Variants in GEMIN8 observed in about 807,000 individuals in gnomAD.
GEMIN8 encodes gem-associated protein 8.
For synonymous variants in GEMIN8, 80 were observed against 78.5 expected (o/e 1.02, Z -0.10); for missense variants, 185 against 205.9 (o/e 0.90, Z 0.62).
At chrX:13,998,854 C>G in the GEMIN8 span, among the ~76,000 whole-genome samples, 1 of 112,150 alleles carries the variant, frequency 8.9e-6, no homozygotes, top group Non-Finnish European at 1.9e-5. Context: ...TGTAAGTTGT[C>G]TAGCACTATA....
At position 14,010,139 on chromosome X, in the gene GEMIN8, G is replaced by A. The variant is rs1323215572; in HGVS notation, c.473-970C>T. On this transcript the variant is annotated intron_variant, in intron 4 of 4. Transcript: ENST00000680255. ...ACTTTCCACTTCATAGGTTGGCCTA[G>A]GTTAAACTGCAAGTGGTATCATTAC... 9.8e-5 allele frequency among the ~76,000 whole-genome samples: 11 copies of A among 112,114 alleles called. No homozygotes were observed. The East Asian group carries it at 2.8e-3, about 28-fold the overall frequency.
At position 14,007,424 on chromosome X, in the gene GEMIN8, A is replaced by G. The variant is rs1923220990; in HGVS notation, c.*1489T>C. Reference sequence around the variant, plus strand: ...CCTGCTCCATCAGCTTTTAGATTTCATTTTCAGAAATGTATTCCTTTATCA... The same window carrying G: ...CCTGCTCCATCAGCTTTTAGATTTCGTTTTCAGAAATGTATTCCTTTATCA... On this transcript the variant is annotated 3_prime_UTR_variant, in exon 5 of 5. Transcript: ENST00000680255. Among the ~76,000 whole-genome samples the G allele has an allele frequency of 3.6e-5, 4 of 112,367 alleles. No individual in the cohort carries two copies. The South Asian group carries it at 1.5e-3, about 41-fold the overall frequency.
chrX:13,992,049 A>T, the GEMIN8 span, among the ~76,000 whole-genome samples: 1 of 112,689 alleles, frequency 8.9e-6, no homozygotes, highest in East Asian at 2.8e-4. Flanking sequence ...TCTACTGGCC[A>T]TGAAGCTGAG....
At chrX:13,992,639 AG>A in the GEMIN8 span, among the ~76,000 whole-genome samples, 1 of 111,247 alleles carries the variant, frequency 9.0e-6, no homozygotes. Flanking sequence ...CCACATTTTG[AG>A]AAGCAAGGTC....
intron 4 of GEMIN8, among the ~76,000 whole-genome samples, chrX:14,019,811 G>A (rs1412774162): frequency 9.0e-6 from 1 of 110,671 alleles, no homozygotes; most frequent in Non-Finnish European, 1.9e-5. Context: ...CACTCCATTT[G>A]GTAGAGTGTC....
chrX:14,009,697 C>T (rs1226808448), intron 4 of GEMIN8, among the ~76,000 whole-genome samples: 1 of 112,207 alleles, frequency 8.9e-6, no homozygotes, highest in Admixed American at 9.4e-5. Context: ...TCACCACCTG[C>T]CCAGCTAGGA....
At position 14,008,884 on chromosome X, in the gene GEMIN8, G is replaced by A. The variant is rs1393989277; in HGVS notation, c.*29C>T. 1 of 1,188,145 alleles carries A rather than the reference G, an allele frequency of 8.4e-7. No homozygotes were observed. The highest frequency in any genetic ancestry group is 2.2e-5 in the Admixed American group (1 of 45,031). ...AAGAGCGTGTACCCAAAAGGAAGAA[G>A]GAGAGGCTGGGTACCCTGTGCCCTG... is the stretch of plus-strand genomic sequence containing the variant. On this transcript the variant is annotated 3_prime_UTR_variant, in exon 5 of 5. Transcript: ENST00000680255.
the GEMIN8 span, among the ~76,000 whole-genome samples, chrX:14,001,570 G>C: frequency 9.0e-6 from 1 of 111,277 alleles, no homozygotes; most frequent in Non-Finnish European, 1.9e-5. Context: ...CGCCAGGCTA[G>C]AGTGCAGTGG....
chrX:14,023,666 C>T (rs1455007162), intron 2 of GEMIN8, among the ~76,000 whole-genome samples: 2 of 112,117 alleles, frequency 1.8e-5, no homozygotes, highest in South Asian at 3.7e-4. Flanking sequence ...CGTGAGCCAC[C>T]GTGCCCGGCC....
At chrX:14,021,832 A>G (rs375971283) in intron 2 of GEMIN8, among the ~76,000 whole-genome samples, 29,904 of 95,023 alleles carry the variant, frequency 0.31, 3,780 homozygotes, top group African/African-American at 0.37. Context: ...ATATATATAT[A>G]TATATATATA....
chrX:14,020,280 A>G lies in GEMIN8; in HGVS notation c.270T>C (p.Ser90=). 8.3e-7 allele frequency: 1 copy of G among 1,211,015 alleles called. No homozygotes were observed. The highest frequency in any genetic ancestry group is 1.1e-6 in the Non-Finnish European group (1 of 894,614). The change falls in exon 4 of 5, where the codon TCT becomes TCC. Residue 90 remains serine (S), a synonymous_variant. Transcript: ENST00000680255. ...GCTGCCCAGATCTTCTGAAATGTGAAGAACTGCAGGGGTAGTCCTGCCAGG... is the reference window on the plus strand; with the variant it reads ...GCTGCCCAGATCTTCTGAAATGTGAGGAACTGCAGGGGTAGTCCTGCCAGG... ...HVAWQDYPCS[S]SHFRRSGQHP...
At position 14,016,405 on chromosome X, in the gene GEMIN8, A is replaced by G. The variant is rs1242189051; in HGVS notation, c.472+3673T>C. On this transcript the variant is annotated intron_variant, in intron 4 of 4. Coordinates refer to ENST00000680255, the MANE Select transcript of GEMIN8 (RefSeq NM_001042479.2). ...AAGAATATCCTTGAAACAGAACTAA[A>G]AACTGTGTTAATTGCTAAATTTGAT... 2.7e-5 allele frequency among the ~76,000 whole-genome samples: 3 copies of G among 111,946 alleles called. No homozygotes were observed. The East Asian group carries it at 8.3e-4, about 31-fold the overall frequency.
the GEMIN8 span, among the ~76,000 whole-genome samples, chrX:13,987,214 T>C: frequency 2.8e-4 from 31 of 111,979 alleles, no homozygotes; most frequent in Non-Finnish European, 5.6e-5. Flanking sequence ...GATGGTGTAA[T>C]GGCCTGTTGA....
chrX:13,999,823 G>A, the GEMIN8 span, among the ~76,000 whole-genome samples: 1 of 111,838 alleles, frequency 8.9e-6, no homozygotes, highest in Non-Finnish European at 1.9e-5. Context: ...GAATCCCACA[G>A]AGGTAAAGCT....
At chrX:13,985,391 T>C in the GEMIN8 span, among the ~76,000 whole-genome samples, 1 of 112,149 alleles carries the variant, frequency 8.9e-6, no homozygotes, top group Admixed American at 9.4e-5. Context: ...AAGTTGATTA[T>C]TTCCTTCTCC....
In GEMIN8 at chrX:14,026,224, G is replaced by A; in HGVS notation, c.-115-3C>T. On this transcript the variant is annotated splice_polypyrimidine_tract_variant and splice_region_variant and intron_variant, in intron 1 of 4. Transcript: ENST00000680255. The stretch of plus-strand genomic sequence containing the variant: ...TTTTCTCCAATGGGCTGGTGGAGCT[G>A]AAAGAAAAGAGATTGGCAATGTCAG... The A allele has an allele frequency of 6.7e-6, 5 of 750,270 alleles. No homozygotes were observed. The highest frequency in any genetic ancestry group is 7.9e-6 in the Non-Finnish European group (5 of 635,394). The allele number at this position is 750,270 out of a possible 1,213,427, so 61.8% of individuals were successfully genotyped here. A position where few individuals can be genotyped will look rare whatever the true frequency, so the allele number is the denominator to read the frequency against.
intron 4 of GEMIN8, among the ~76,000 whole-genome samples, chrX:14,012,170 T>G: frequency 9.3e-6 from 1 of 107,122 alleles, no homozygotes; most frequent in South Asian, 4.2e-4. Context: ...CAGGCTGGAG[T>G]GCAGTGGTGC....
At chrX:14,021,431 C>T (rs762199805) in intron 3 of GEMIN8, 33 bp downstream of exon 3, 2 of 866,919 alleles carry the variant, frequency 2.3e-6, no homozygotes, top group East Asian at 3.2e-5. Context: ...TACTTACGAG[C>T]TCAAAAAAAA....
chrX:13,998,580 A>T, the GEMIN8 span, among the ~76,000 whole-genome samples: 609 of 110,971 alleles, frequency 5.5e-3, 9 homozygotes, highest in East Asian at 0.091. Flanking sequence ...TATTTTTTTT[A>T]AAAAAATAAG....
Sources: gnomAD v4.1 joint callset for allele counts (sites outside exome capture counted in the v4.1 genomes callset) on GRCh38, gnomAD v4.1.1 for gene constraint, MANE v1.5 for transcripts, NCBI Gene and HGNC (gene_info 2026-07-23, HGNC 2026-07-21) for gene names.